Variants in PTPRQ observed in about 807,000 individuals in gnomAD.
PTPRQ encodes the protein protein tyrosine phosphatase receptor type Q.
A neutral mutation model predicts 246.0 loss-of-function variants in PTPRQ; 199 were observed. The observed-to-expected ratio is 0.81, with a 90% CI of 0.72 to 0.91. The LOEUF (loss-of-function observed/expected upper bound fraction) is 0.91, where lower values mean the gene tolerates loss of function less well. Ranked by LOEUF, PTPRQ falls within the 40% of genes least tolerant of loss-of-function variation. PTPRQ has a pLI of 0.00. For missense variants in PTPRQ, 2,624 were observed against 2,528.4 expected (o/e 1.04, Z -0.81); for synonymous variants, 869 against 853.2 (o/e 1.02, Z -0.32).
intron 30 of PTPRQ, among the ~76,000 whole-genome samples, chr12:80,619,056 T>C (rs977952836): frequency 3.3e-5 from 5 of 151,446 alleles, no homozygotes; most frequent in African/African-American, 7.3e-5. Context: ...AAAATTATAG[T>C]AAAAAGTAAA....
At chr12:80,533,742 T>G (rs1169245390) in intron 17 of PTPRQ, among the ~76,000 whole-genome samples, 1 of 152,026 alleles carries the variant, frequency 6.6e-6, no homozygotes, top group African/African-American at 2.4e-5. Context: ...TTCCTTAATA[T>G]CCATTAAAAT....
At chr12:80,628,299 T>C (rs2121156888) in intron 33 of PTPRQ, among the ~76,000 whole-genome samples, 1 of 152,286 alleles carries the variant, frequency 6.6e-6, no homozygotes, top group South Asian at 2.1e-4. Context: ...TGCTGATAAC[T>C]GTTTTAAATT....
chr12:80,558,816 T>C (rs1324008819), intron 25 of PTPRQ, among the ~76,000 whole-genome samples: 1 of 152,232 alleles, frequency 6.6e-6, no homozygotes, highest in Non-Finnish European at 1.5e-5. Context: ...TGTGTTTCCC[T>C]GATGGCTAAC....
chr12:80,568,487 A>G (rs182111738), intron 25 of PTPRQ, among the ~76,000 whole-genome samples: 68 of 152,262 alleles, frequency 4.5e-4, no homozygotes, highest in African/African-American at 1.6e-3. Flanking sequence ...TCCTTCATTG[A>G]ATTCATCAGA....
chr12:80,557,104 G>C (rs1896667856), intron 25 of PTPRQ, among the ~76,000 whole-genome samples: 3 of 152,040 alleles, frequency 2.0e-5, no homozygotes, highest in African/African-American at 2.4e-5. Flanking sequence ...TTTAGATGGA[G>C]GATTTGTTCA....
intron 14 of PTPRQ, 33 bp downstream of exon 14, chr12:80,496,564 TACAC>T: frequency 6.5e-7 from 1 of 1,528,888 alleles, no homozygotes. Flanking sequence ...TGTTTAATAA[TACAC>T]AGTGATATAG....
chr12:80,579,515 G>T (rs1345641430), intron 25 of PTPRQ, among the ~76,000 whole-genome samples: 1 of 151,984 alleles, frequency 6.6e-6, no homozygotes, highest in Non-Finnish European at 1.5e-5. Flanking sequence ...CTGTCCTGTT[G>T]CATTTACCTC....
rs191464082 is a variant in PTPRQ at position 80,546,028 on chromosome 12, C to T, written c.3874-528C>T. Among the ~76,000 whole-genome samples, 749 of 152,016 alleles carry T rather than the reference C, an allele frequency of 4.9e-3. 5 individuals are homozygous for T. Among genetic ancestry groups the T allele is most frequent in the African/African-American group, 0.017 (708 of 41,480 alleles). ...AAAACACTCTAGTTTTTTAAAAAGG[C>T]AATTATACGCCAGGTGCAGTGGCTC... is the stretch of plus-strand genomic sequence containing the variant. On this transcript the variant is annotated intron_variant, in intron 23 of 44. Transcript: ENST00000644991.
rs141541058 is a variant in PTPRQ at position 80,547,516 on chromosome 12, T to C, written c.4015+819T>C. Among the ~76,000 whole-genome samples the C allele has an allele frequency of 1.3e-3, 191 of 152,258 alleles. 2 individuals carry two copies. In the East Asian group the frequency reaches 0.014, roughly 11 times the overall value. ...GACCACTGACTACTAAATTAATCAT[T>C]TCTGCATAAATTTATGGCTACCTGA... On this transcript the variant is annotated intron_variant, in intron 24 of 44. Transcript: ENST00000644991.
chr12:80,595,798 G>A lies in PTPRQ; in HGVS notation c.4609+7346G>A, dbSNP rs1467464359. Among the ~76,000 whole-genome samples the A allele has an allele frequency of 2.1e-5, 3 of 143,638 alleles. No homozygotes were observed. In the Admixed American group the frequency reaches 2.3e-4, roughly 11 times the overall value. The allele number at this position is 143,638 out of a possible 152,430, so 94.2% of individuals were successfully genotyped here. On this transcript the variant is annotated intron_variant, in intron 26 of 44. Transcript: ENST00000644991. The stretch of plus-strand genomic sequence containing the variant: ...TTCGCATTGTTCAATTCCTACCTAT[G>A]AGAGAGAATATGCGGTGTTTGAAAA...
chr12:80,616,128 C>A, intron 29 of PTPRQ, 72 bp from the exon 30 acceptor site: 1 of 928,460 alleles, frequency 1.1e-6, no homozygotes, highest in Non-Finnish European at 1.4e-6. Flanking sequence ...TAGATACATG[C>A]ATATATATAT....
At chr12:80,546,432 T>A (rs1592638381) in intron 23 of PTPRQ, 124 bp from the exon 24 acceptor site, 3 of 973,214 alleles carry the variant, frequency 3.1e-6, no homozygotes, top group East Asian at 2.7e-5. Context: ...TTATTATAAT[T>A]TAAAATATCC....
chr12:80,597,988 C>A (rs1358597106), intron 26 of PTPRQ, among the ~76,000 whole-genome samples: 1 of 151,894 alleles, frequency 6.6e-6, no homozygotes, highest in African/African-American at 2.4e-5. Flanking sequence ...CCTGGCATGT[C>A]CAGTATTGAA....
At chr12:80,497,135 G>A (rs539174091) in intron 14 of PTPRQ, among the ~76,000 whole-genome samples, 84 of 151,958 alleles carry the variant, frequency 5.5e-4, no homozygotes, top group Non-Finnish European at 9.4e-4. Flanking sequence ...ATTCAAGCAC[G>A]TTACGTTTGT....
intron 26 of PTPRQ, among the ~76,000 whole-genome samples, chr12:80,603,302 A>C (rs11114523): frequency 6.6e-6 from 1 of 151,644 alleles, no homozygotes; most frequent in African/African-American, 2.4e-5. Flanking sequence ...AAATAACTTA[A>C]CTTTTTCATA....
intron 16 of PTPRQ, 96 bp downstream of exon 16, chr12:80,506,766 G>A: frequency 1.8e-6 from 2 of 1,107,574 alleles, no homozygotes; most frequent in Non-Finnish European, 2.5e-6. Context: ...CTCTAGTCAT[G>A]GGTATCAGTT....
rs75894254 is a variant in PTPRQ, at chr12:80,496,853, C to T, written c.2272+322C>T. Among the ~76,000 whole-genome samples the T allele has an allele frequency of 5.8e-3, 885 of 152,020 alleles. 10 individuals carry two copies. The highest frequency in any genetic ancestry group is 0.021 in the African/African-American group (859 of 41,496). ...CTACTTGCTTTCGAGTTAGGTAAAA[C>T]TGAGACATACTCATAGGAATAGATT... On this transcript the variant is annotated intron_variant, in intron 14 of 44. Transcript: ENST00000644991.
intron 44 of PTPRQ, 111 bp downstream of exon 44, chr12:80,678,836 A>G: frequency 6.9e-7 from 1 of 1,444,252 alleles, no homozygotes; most frequent in Non-Finnish European, 9.1e-7. Context: ...GGATTAGTGC[A>G]CAGATCAGGT....
chr12:80,448,837 G>A (rs1286680710), intron 3 of PTPRQ, among the ~76,000 whole-genome samples: 8 of 147,910 alleles, frequency 5.4e-5, no homozygotes, highest in East Asian at 2.0e-4. Context: ...ATAAACATAC[G>A]TGTGCATGTG....
Sources: allele counts gnomAD v4.1 joint callset (sites outside exome capture counted in the v4.1 genomes callset), GRCh38; gene constraint gnomAD v4.1.1; transcripts MANE v1.5; gene names NCBI Gene and HGNC (gene_info 2026-07-23, HGNC 2026-07-21).